KNL1: variants seen among roughly 807,000 people sequenced by gnomAD.
KNL1 encodes kinetochore scaffold 1.
In KNL1, 66 loss-of-function variants were observed where a neutral mutation model predicts 201.3. The observed-to-expected ratio is 0.33, with a 90% CI of 0.27 to 0.40. KNL1 has a LOEUF of 0.40. Ranked by LOEUF, KNL1 falls within the 10% of genes least tolerant of loss-of-function variation. The pLI, the probability that KNL1 is intolerant of heterozygous loss-of-function variation, is 1.00. For missense variants in KNL1, 2,815 were observed against 2,690.5 expected, an observed-to-expected ratio of 1.05 and a Z score of -1.02; for synonymous variants, 895 against 899.2, an observed-to-expected ratio of 1.00 and a Z score of 0.08.
At chr15:40,629,114 G>T (rs1269564433) in intron 12 of KNL1, among the ~76,000 whole-genome samples, 159 bp from the exon 13 acceptor site, 2 of 152,168 alleles carry the variant, frequency 1.3e-5, no homozygotes, top group East Asian at 3.8e-4. Context: ...CTTAAGAAAT[G>T]ATCTTAGATA....
chr15:40,642,072 G>A (rs1369289011), intron 14 of KNL1, among the ~76,000 whole-genome samples: 3 of 152,188 alleles, frequency 2.0e-5, no homozygotes, highest in African/African-American at 7.2e-5. Context: ...TTTAGAAGTA[G>A]AAGGAAAAGA....
At chr15:40,615,593 C>T (rs1892312982) in intron 8 of KNL1, 1 of 200,580 alleles carries the variant, frequency 5.0e-6, no homozygotes, top group Admixed American at 6.3e-5. Context: ...ATGGTGAAAC[C>T]CAGTCTCTAC....
rs747181610 is a variant in KNL1 at position 40,623,475 on chromosome 15, A to G, written c.3211A>G (p.Lys1071Glu). 6.2e-7 allele frequency: 1 copy of G among 1,611,796 alleles called. No individual in the cohort carries two copies. The highest frequency in any genetic ancestry group is 8.5e-7 in the Non-Finnish European group (1 of 1,179,366). The change falls in exon 10 of 26, where the codon AAA (lysine) becomes GAA (glutamate). Residue 1071 changes from lysine (K) to glutamate (E), a missense_variant. Coordinates refer to ENST00000399668, the MANE Select transcript of KNL1 (RefSeq NM_144508.5). ...KSQRRKSLKL[K>E]NDKTIVFSEN... is the part of the protein sequence containing the mutation. ...TCAGAGAAGAAAAAGCCTTAAGCTA[A>G]AAAATGACAAGACCATTGTATTTTC...
Position 40,597,000 on chromosome 15 carries a change from C to CA in KNL1, c.-18+2629dup, listed in dbSNP as rs35126045. Among the ~76,000 whole-genome samples the CA allele has an allele frequency of 1.9e-3, 171 of 90,448 alleles. 2 individuals are homozygous for CA. Among genetic ancestry groups the CA allele is most frequent in the East Asian group, 0.017 (44 of 2,534 alleles). 59.3% of individuals were successfully genotyped at this position (90,448 alleles called of 152,430 possible). ...GGGCAACAAGAGTGAAACTCCATCTCAAAAAAAAAAAAAAAAAAAAAGGTA... is the reference window on the plus strand; with the variant it reads ...GGGCAACAAGAGTGAAACTCCATCTCAAAAAAAAAAAAAAAAAAAAAAGGTA... On this transcript the variant is annotated intron_variant, in intron 1 of 25. Transcript: ENST00000399668.
At chr15:40,661,034 T>C (rs1017634410) in intron 25 of KNL1, among the ~76,000 whole-genome samples, 3 of 152,168 alleles carry the variant, frequency 2.0e-5, no homozygotes, top group African/African-American at 4.8e-5. Context: ...ATTTTGTGAC[T>C]TTTTAGATGC....
intron 12 of KNL1, 53 bp downstream of exon 12, chr15:40,628,731 C>G: frequency 8.6e-7 from 1 of 1,166,712 alleles, no homozygotes; most frequent in Non-Finnish European, 1.2e-6. Context: ...GAGGTTTAAA[C>G]GTCTCATTTC....
intron 24 of KNL1, among the ~76,000 whole-genome samples, chr15:40,658,307 A>C (rs1411592294): frequency 6.6e-6 from 1 of 151,916 alleles, no homozygotes; most frequent in Admixed American, 6.6e-5. Flanking sequence ...AGGCAGGTGG[A>C]TCACGAGGTC....
intron 13 of KNL1, among the ~76,000 whole-genome samples, chr15:40,631,188 A>G (rs1892902872): frequency 6.6e-6 from 1 of 152,156 alleles, no homozygotes; most frequent in Non-Finnish European, 1.5e-5. Flanking sequence ...TGCTTGAATC[A>G]TCCTGAGACT....
At chr15:40,629,866 A>AT (rs1222083358) in intron 13 of KNL1, among the ~76,000 whole-genome samples, 8 of 151,944 alleles carry the variant, frequency 5.3e-5, no homozygotes, top group Admixed American at 1.3e-4. Flanking sequence ...TTTCACATGG[A>AT]TTTTTTTAAT....
chr15:40,614,224 A>G (rs1349549218), intron 7 of KNL1, among the ~76,000 whole-genome samples: 1 of 151,662 alleles, frequency 6.6e-6, no homozygotes, highest in Non-Finnish European at 1.5e-5. Flanking sequence ...CAGCCTCCCG[A>G]GTACCTGGGA....
At position 40,628,603 on chromosome 15, in the gene KNL1, A is replaced by G. The variant is rs1892816441; in HGVS notation, c.5516-8A>G. On this transcript the variant is annotated splice_polypyrimidine_tract_variant and splice_region_variant and intron_variant, in intron 11 of 25. Transcript: ENST00000399668. ...CTTGTTCGTCACCAGAATTTGCTTT[A>G]CTTCTAGCTTACCGCAGTAGTCAAA... 6.3e-7 allele frequency: 1 copy of G among 1,590,498 alleles called. No individual in the cohort carries two copies. Among genetic ancestry groups the G allele is most frequent in the Non-Finnish European group, 8.6e-7 (1 of 1,164,428 alleles).
At chr15:40,618,676 C>T (rs1260919905) in intron 8 of KNL1, among the ~76,000 whole-genome samples, 3 of 152,032 alleles carry the variant, frequency 2.0e-5, no homozygotes, top group Admixed American at 6.6e-5. Context: ...TATATGTTCC[C>T]AACACAAAAG....
intron 17 of KNL1, among the ~76,000 whole-genome samples, chr15:40,648,195 T>A (rs927544179): frequency 6.6e-6 from 1 of 152,178 alleles, no homozygotes; most frequent in African/African-American, 2.4e-5. Flanking sequence ...CTTCTGAACC[T>A]GTATGCAAAA....
In KNL1 at chr15:40,622,590, C is replaced by T; in HGVS notation, c.2326C>T (p.Pro776Ser). ...CCACACTGTCGTCATTGGATTTGGT[C>T]CTTCTGAACTACAAGAACTTGGTAA... is the stretch of plus-strand genomic sequence containing the variant. ...KSHTVVIGFGPSELQELGKTN... is the reference protein window; with the variant it reads ...KSHTVVIGFGSSELQELGKTN... The change falls in exon 10 of 26, where the codon CCT becomes TCT. Residue 776 changes from proline to serine, a missense_variant. This residue lies in a region of KNL1 where 2,464 missense variants were observed against 2,291.7 expected (regional missense o/e 1.08). Coordinates refer to ENST00000399668, the MANE Select transcript of KNL1 (RefSeq NM_144508.5). 1.2e-6 allele frequency: 2 copies of T among 1,609,792 alleles called. No homozygotes were observed. Among genetic ancestry groups the T allele is most frequent in the Non-Finnish European group, 1.7e-6 (2 of 1,178,354 alleles).
intron 22 of KNL1, among the ~76,000 whole-genome samples, 187 bp downstream of exon 22, chr15:40,655,164 G>A (rs1893687420): frequency 6.6e-6 from 1 of 151,862 alleles, no homozygotes; most frequent in African/African-American, 2.4e-5. Flanking sequence ...CGGGTGTGAT[G>A]GTGCCCTCCT....
rs1595951963 is a variant in KNL1 at position 40,659,200 on chromosome 15, G to A, written c.6714-139G>A. On this transcript the variant is annotated intron_variant, in intron 24 of 25. Transcript: ENST00000399668. The stretch of plus-strand genomic sequence containing the variant: ...GAATCGATAGAACTTGGGAGGTGGA[G>A]GTTGCAGTGAGCCGAAATTGTGCAC... 11 of 529,418 alleles carry A rather than the reference G, an allele frequency of 2.1e-5. No individual in the cohort carries two copies. The East Asian group carries it at 3.9e-4, about 19-fold the overall frequency. 32.8% of individuals were successfully genotyped at this position (529,418 alleles called of 1,614,324 possible).
chr15:40,662,074 C>G lies in KNL1; in HGVS notation c.6837C>G (p.Ser2279Arg). Residue 2279 changes from serine to arginine, a missense_variant and splice_region_variant, in exon 26 of 26, where the codon AGC (serine) becomes AGG (arginine). This residue lies in a region of KNL1 where 334 missense variants were observed against 362.6 expected (regional missense o/e 0.92). Coordinates refer to ENST00000399668, the MANE Select transcript of KNL1 (RefSeq NM_144508.5). Reference sequence around the variant, plus strand: ...ATTGATTAACCTTTGTTCTTTCCAGCCAAGATGATATTGCTACCATTCTAT... The same window carrying G: ...ATTGATTAACCTTTGTTCTTTCCAGGCAAGATGATATTGCTACCATTCTAT... ...STIQNHVGNT[S>R]QDDIATILSK... 6.4e-7 allele frequency: 1 copy of G among 1,554,762 alleles called. No individual in the cohort carries two copies. The highest frequency in any genetic ancestry group is 8.9e-7 in the Non-Finnish European group (1 of 1,126,526).
At chr15:40,643,514 A>ACGCGC (rs1235509421) in intron 14 of KNL1, among the ~76,000 whole-genome samples, 1 of 152,130 alleles carries the variant, frequency 6.6e-6, no homozygotes, top group East Asian at 1.9e-4. Flanking sequence ...GCGTGGTGGC[A>ACGCGC]CGCGCCTGTA....
intron 13 of KNL1, among the ~76,000 whole-genome samples, chr15:40,640,098 C>CTTTTTTTTTTTTTTT (rs544723388): frequency 8.0e-6 from 1 of 124,506 alleles, no homozygotes; most frequent in African/African-American, 3.0e-5. Flanking sequence ...TTTTTCTTTT[C>CTTTTTTTTTTTTTTT]TTTTTTTTTT....
Sources: allele counts gnomAD v4.1 joint callset (sites outside exome capture counted in the v4.1 genomes callset), GRCh38; gene constraint gnomAD v4.1.1; regional missense constraint gnomAD v4.1.1; transcripts MANE v1.5; gene names NCBI Gene and HGNC (gene_info 2026-07-23, HGNC 2026-07-21).